PCSK6: variants seen among roughly 807,000 people sequenced by gnomAD.
The protein encoded by PCSK6 is proprotein convertase subtilisin/kexin type 6.
In PCSK6, 85 loss-of-function variants were observed where a neutral mutation model predicts 123.3. That is an observed-to-expected ratio of 0.69 (90% CI 0.58 to 0.83). PCSK6 has a LOEUF of 0.83. PCSK6 is among the 40% of genes least tolerant of loss of function. PCSK6 has a pLI of 0.00. For missense variants in PCSK6, 1,191 were observed against 1,282.3 expected (o/e 0.93, Z 1.09); for synonymous variants, 508 against 516.0 (o/e 0.98, Z 0.21).
chr15:101,318,349 C>A lies in PCSK6; in HGVS notation c.2539G>T (p.Glu847Ter), dbSNP rs377389298. 1 of 1,564,068 alleles carries A rather than the reference C, an allele frequency of 6.4e-7. No individual in the cohort carries two copies. Among genetic ancestry groups the A allele is most frequent in the Non-Finnish European group, 8.7e-7 (1 of 1,154,270 alleles). The change falls in exon 19 of 22, where the codon GAA becomes TAA. Residue 847 changes from glutamate to a stop codon, truncating the protein, a stop_gained. Coordinates refer to ENST00000611716, the MANE Select transcript of PCSK6 (RefSeq NM_002570.5). LOFTEE classifies it high-confidence loss of function. ...YFDSELIRCG[E>*]CHHTCGTCVG... ...CAGGTTCCGCAGGTGTGATGGCATT[C>A]CCCACATCTGATCAGCTCTGAGTCA...
intron 1 of PCSK6, among the ~76,000 whole-genome samples, chr15:101,449,067 G>A (rs1182211730): frequency 6.6e-6 from 1 of 152,114 alleles, no homozygotes; most frequent in Non-Finnish European, 1.5e-5. Flanking sequence ...GTATATATAT[G>A]TATACAGTCA....
intron 1 of PCSK6, among the ~76,000 whole-genome samples, chr15:101,472,322 T>C (rs1206974956): frequency 6.6e-6 from 1 of 152,238 alleles, no homozygotes; most frequent in East Asian, 1.9e-4. Context: ...GACAAAGTCA[T>C]GGCATTGAAA....
chr15:101,444,097 G>A (rs1336352275), intron 1 of PCSK6, among the ~76,000 whole-genome samples: 3 of 152,204 alleles, frequency 2.0e-5, no homozygotes, highest in East Asian at 3.9e-4. Context: ...CTGAAATATC[G>A]AAGAATGAAC....
In PCSK6 at chr15:101,323,452, C is replaced by T. The variant is rs146152285; in HGVS notation, c.2378-845G>A. Among the ~76,000 whole-genome samples, 763 of 152,294 alleles carry T rather than the reference C, an allele frequency of 5.0e-3. 3 individuals carry two copies. Among genetic ancestry groups the T allele is most frequent in the African/African-American group, 0.017 (711 of 41,560 alleles). Reference sequence around the variant, plus strand: ...TTTCCCCGCTAAAGGGAGTCTGGGACGGGTGAGGTGGCTCACACCTGTAAT... The same window carrying T: ...TTTCCCCGCTAAAGGGAGTCTGGGATGGGTGAGGTGGCTCACACCTGTAAT... On this transcript the variant is annotated intron_variant, in intron 17 of 21. Coordinates refer to ENST00000611716, the MANE Select transcript of PCSK6 (RefSeq NM_002570.5).
rs2041546656 is a variant in PCSK6 at position 101,370,476 on chromosome 15, G to A, written c.1580C>T (p.Ala527Val). 1 of 1,547,082 alleles carries A rather than the reference G, an allele frequency of 6.5e-7. No individual in the cohort carries two copies. The highest frequency in any genetic ancestry group is 8.7e-7 in the Non-Finnish European group (1 of 1,144,308). Residue 527 changes from alanine to valine, a missense_variant, in exon 12 of 22, where the codon GCC becomes GTC. Coordinates refer to ENST00000611716, the MANE Select transcript of PCSK6 (RefSeq NM_002570.5). ...QVLRTTALTS[A>V]CAEHSDQRVV... ...CCGCTGGTCCGAGTGCTCCGCGCAG[G>A]CGCTGGTCAGGGCCGTAGTCCGCAG...
At chr15:101,399,649 T>A (rs2042527492) in intron 6 of PCSK6, among the ~76,000 whole-genome samples, 1 of 152,158 alleles carries the variant, frequency 6.6e-6, no homozygotes, top group African/African-American at 2.4e-5. Flanking sequence ...AGAGAAGGCA[T>A]CTGAGAAAAA....
intron 1 of PCSK6, among the ~76,000 whole-genome samples, chr15:101,473,750 C>T (rs572363930): frequency 1.8e-4 from 27 of 152,256 alleles, no homozygotes; most frequent in Admixed American, 3.3e-4. Context: ...TGGTGGCGTG[C>T]GCCTGTAATC....
intron 1 of PCSK6, among the ~76,000 whole-genome samples, chr15:101,476,109 T>C (rs539528088): frequency 6.6e-6 from 1 of 152,360 alleles, no homozygotes; most frequent in South Asian, 2.1e-4. Context: ...ACTTAACCTC[T>C]CTGTGCTTTT....
chr15:101,485,402 T>C (rs2057996878), intron 1 of PCSK6, among the ~76,000 whole-genome samples: 1 of 152,266 alleles, frequency 6.6e-6, no homozygotes, highest in Admixed American at 6.5e-5. Context: ...TCTGTTAGGA[T>C]GCCTTTGTTT....
chr15:101,425,970 C>T (rs1269536553), intron 6 of PCSK6, among the ~76,000 whole-genome samples: 2 of 152,170 alleles, frequency 1.3e-5, no homozygotes, highest in Non-Finnish European at 2.9e-5. Flanking sequence ...GGAGACAAAT[C>T]CCCTGCGATC....
rs1403870893 is a variant in PCSK6, at chr15:101,489,476, C to G, written c.195G>C (p.Pro65=). Residue 65 remains proline, a synonymous_variant, in exon 1 of 22, where the codon CCG becomes CCC. Transcript: ENST00000611716. ...LALPAACSAP[P]PRPVYTNHWA... ...AGTGGTTGGTGTAGACGGGGCGCGG[C>G]GGGGGCGCGGAGCAGGCGGCAGGCA... 4.6e-6 allele frequency: 5 copies of G among 1,089,802 alleles called. No homozygotes were observed. The highest frequency in any genetic ancestry group is 5.6e-6 in the Non-Finnish European group (5 of 897,988). The allele number at this position is 1,089,802 out of a possible 1,614,324, so 67.5% of individuals were successfully genotyped here.
At chr15:101,408,353 A>T (rs2042840958) in intron 6 of PCSK6, among the ~76,000 whole-genome samples, 1 of 152,248 alleles carries the variant, frequency 6.6e-6, no homozygotes, top group Non-Finnish European at 1.5e-5. Context: ...ACACCCAGGA[A>T]GAAAGCCCCT....
intron 11 of PCSK6, among the ~76,000 whole-genome samples, chr15:101,377,303 A>G (rs2041777625): frequency 6.6e-6 from 1 of 152,232 alleles, no homozygotes; most frequent in African/African-American, 2.4e-5. Flanking sequence ...CTCCTGGCAC[A>G]GAGGTCACAG....
intron 13 of PCSK6, among the ~76,000 whole-genome samples, chr15:101,361,156 T>C (rs1007314702): frequency 7.7e-6 from 1 of 130,262 alleles, no homozygotes; most frequent in African/African-American, 3.3e-5. Context: ...CTATAGTTCT[T>C]TCTCTCTCTT....
At chr15:101,353,776 C>T (rs996591266) in intron 13 of PCSK6, among the ~76,000 whole-genome samples, 3 of 152,152 alleles carry the variant, frequency 2.0e-5, no homozygotes, top group African/African-American at 7.2e-5. Context: ...GTGGAGACCT[C>T]ACCAGGTTGG....
At chr15:101,350,268 T>C (rs1362164332) in intron 13 of PCSK6, among the ~76,000 whole-genome samples, 1 of 152,216 alleles carries the variant, frequency 6.6e-6, no homozygotes, top group Non-Finnish European at 1.5e-5. Flanking sequence ...TGGTTATTTG[T>C]ATGTTTTCTT....
intron 15 of PCSK6, 83 bp downstream of exon 15, chr15:101,331,568 G>T: frequency 1.5e-6 from 2 of 1,306,162 alleles, no homozygotes; most frequent in Non-Finnish European, 2.2e-6. Context: ...CAGGGGGCAA[G>T]ACCCCATTCT....
At chr15:101,468,162 C>T (rs934822314) in intron 1 of PCSK6, among the ~76,000 whole-genome samples, 5 of 152,168 alleles carry the variant, frequency 3.3e-5, no homozygotes, top group African/African-American at 9.7e-5. Context: ...CCTCAGTTTC[C>T]TCATCTGTGA....
At chr15:101,465,709 T>C (rs1196916338) in intron 1 of PCSK6, among the ~76,000 whole-genome samples, 1 of 152,000 alleles carries the variant, frequency 6.6e-6, no homozygotes, top group Non-Finnish European at 1.5e-5. Flanking sequence ...TTGGTAATGA[T>C]CTAAGGCACC....
Sources: gnomAD v4.1 joint callset for allele counts (sites outside exome capture counted in the v4.1 genomes callset) on GRCh38, gnomAD v4.1.1 for gene constraint, MANE v1.5 for transcripts, NCBI Gene and HGNC (gene_info 2026-07-23, HGNC 2026-07-21) for gene names.